The following HOGA1 variants were observed in gnomAD, a reference collection of about 807,000 sequenced individuals.
HOGA1 encodes the protein 4-hydroxy-2-oxoglutarate aldolase 1.
In HOGA1, 30 loss-of-function variants were observed where a neutral mutation model predicts 34.3. That is an observed-to-expected ratio of 0.87 (90% CI 0.65 to 1.19). HOGA1 has a LOEUF of 1.19. HOGA1 is among the 50% of genes most tolerant of loss of function. HOGA1 has a pLI of 0.00. For missense variants in HOGA1, 417 were observed against 436.5 expected (o/e 0.96, Z 0.40); for synonymous variants, 161 against 174.0 (o/e 0.93, Z 0.59).
chr10:97,588,115 T>G (rs1194591743), intron 1 of HOGA1, among the ~76,000 whole-genome samples: 2 of 151,952 alleles, frequency 1.3e-5, no homozygotes, highest in East Asian at 3.9e-4. Context: ...CCCGGCCCCG[T>G]GTAGCTCTTT....
At chr10:97,589,625 T>C (rs1589902048) in intron 1 of HOGA1, 1 of 295,938 alleles carries the variant, frequency 3.4e-6, no homozygotes, top group Non-Finnish European at 6.5e-6. Flanking sequence ...CACCCCACTC[T>C]CCCCACCCCA....
intron 1 of HOGA1, among the ~76,000 whole-genome samples, chr10:97,598,558 G>T (rs2041088687): frequency 6.6e-6 from 1 of 152,208 alleles, no homozygotes; most frequent in Non-Finnish European, 1.5e-5. Flanking sequence ...AGCAAGCTAT[G>T]GTTGAGCCAC....
At chr10:97,606,293 C>T (rs142006895) in intron 6 of HOGA1, among the ~76,000 whole-genome samples, 156 of 150,848 alleles carry the variant, frequency 1.0e-3, no homozygotes, top group African/African-American at 3.6e-3. Flanking sequence ...AGTGAGACTC[C>T]ATCTCAGGGA....
chr10:97,592,278 T>C (rs537420117), intron 1 of HOGA1, among the ~76,000 whole-genome samples: 28 of 147,566 alleles, frequency 1.9e-4, no homozygotes, highest in South Asian at 2.2e-4. Flanking sequence ...TCTTGCTCTG[T>C]GGCCCAGGCT....
At chr10:97,609,783 C>G (rs2041182262) in intron 6 of HOGA1, among the ~76,000 whole-genome samples, 1 of 152,174 alleles carries the variant, frequency 6.6e-6, no homozygotes, top group Non-Finnish European at 1.5e-5. Context: ...ATCCTGTATC[C>G]TGGGTCTTTC....
Position 97,590,643 on chromosome 10 carries a change from A to G in HOGA1, c.211+5729A>G, listed in dbSNP as rs1029847744. On this transcript the variant is annotated intron_variant, in intron 1 of 6. Coordinates refer to ENST00000370646, the MANE Select transcript of HOGA1 (RefSeq NM_138413.4). ...CCCCCAGCAAGGCTGGCTCACACAC[A>G]CGTCTGTTTTCTCTCCTATGGGGCC... 14 of 1,464,292 alleles carry G rather than the reference A, an allele frequency of 9.6e-6. No homozygotes were observed. In the African/African-American group the frequency reaches 1.7e-4, roughly 17 times the overall value. 90.7% of individuals were successfully genotyped at this position (1,464,292 alleles called of 1,614,324 possible). A position where few individuals can be genotyped will look rare whatever the true frequency, so the allele number is the denominator to read the frequency against.
At chr10:97,608,624 G>A (rs1330571381) in intron 6 of HOGA1, among the ~76,000 whole-genome samples, 3 of 152,130 alleles carry the variant, frequency 2.0e-5, no homozygotes, top group Non-Finnish European at 4.4e-5. Context: ...GGCCAACATG[G>A]TGAAACCCTC....
chr10:97,584,483 T>A lies in HOGA1; in HGVS notation c.-221T>A, dbSNP rs1251429343. 1 of 533,702 alleles carries A rather than the reference T, an allele frequency of 1.9e-6. No homozygotes were observed. Among genetic ancestry groups the A allele is most frequent in the African/African-American group, 1.9e-5 (1 of 52,940 alleles). The allele number at this position is 533,702 out of a possible 1,614,324, so 33.1% of individuals were successfully genotyped here. On this transcript the variant is annotated 5_prime_UTR_variant, in exon 1 of 7. Coordinates refer to ENST00000370646, the MANE Select transcript of HOGA1 (RefSeq NM_138413.4). ...GCCAGAGGGACACTGGGTTGTGGCATCTCTCTAGCTGCTACCCAGAAGGAA... is the reference window on the plus strand; with the variant it reads ...GCCAGAGGGACACTGGGTTGTGGCAACTCTCTAGCTGCTACCCAGAAGGAA...
At chr10:97,599,494 A>G (rs763171417) in intron 3 of HOGA1, 186 bp from the exon 4 acceptor site, 11 of 817,772 alleles carry the variant, frequency 1.3e-5, no homozygotes, top group Admixed American at 1.1e-4. Flanking sequence ...TGCGTGGCAT[A>G]TGGAAAGCAC....
intron 6 of HOGA1, among the ~76,000 whole-genome samples, chr10:97,604,724 G>C (rs576666323): frequency 6.6e-6 from 1 of 151,742 alleles, no homozygotes; most frequent in African/African-American, 2.4e-5. Context: ...GCTCACACCT[G>C]TAATCCCAGC....
chr10:97,598,909 C>G lies in HOGA1; in HGVS notation c.340+6C>G, dbSNP rs1213183290. The G allele has an allele frequency of 6.2e-7, 1 of 1,613,688 alleles. No individual in the cohort carries two copies. The highest frequency in any genetic ancestry group is 8.5e-7 in the Non-Finnish European group (1 of 1,180,018). On this transcript the variant is annotated splice_donor_region_variant and intron_variant, in intron 2 of 6. Coordinates refer to ENST00000370646, the MANE Select transcript of HOGA1 (RefSeq NM_138413.4). Reference sequence around the variant, plus strand: ...AGCTGGCTCCGGATGCGAGTGTGAGCCAGAATGCCCTGGGCCCTGGGGGTG... The same window carrying G: ...AGCTGGCTCCGGATGCGAGTGTGAGGCAGAATGCCCTGGGCCCTGGGGGTG...
At chr10:97,599,941 C>A in intron 4 of HOGA1, 126 bp from the exon 5 acceptor site, 1 of 1,519,882 alleles carries the variant, frequency 6.6e-7, no homozygotes. Flanking sequence ...CTCTGTCGTG[C>A]GGGCTCTCTG....
At chr10:97,590,716 T>C (rs1293119954) in intron 1 of HOGA1, 2 of 732,712 alleles carry the variant, frequency 2.7e-6, no homozygotes, top group African/African-American at 1.8e-5. Flanking sequence ...CCTACTTTCT[T>C]AGGCTCCTCA....
intron 4 of HOGA1, 118 bp downstream of exon 4, chr10:97,599,932 T>C: frequency 6.5e-7 from 1 of 1,545,688 alleles, no homozygotes; most frequent in Non-Finnish European, 8.9e-7. Flanking sequence ...GTGGATTCTC[T>C]CTGTCGTGCG....
At chr10:97,600,636 A>G (rs1027296275) in intron 5 of HOGA1, 4 of 210,682 alleles carry the variant, frequency 1.9e-5, no homozygotes, top group African/African-American at 9.2e-5. Context: ...CAGGATCCCT[A>G]GGAATGTCAC....
At chr10:97,587,761 C>G (rs974985897) in intron 1 of HOGA1, among the ~76,000 whole-genome samples, 1 of 152,148 alleles carries the variant, frequency 6.6e-6, no homozygotes, top group African/African-American at 2.4e-5. Context: ...CGGCCTCGGC[C>G]TCCCAAAGTG....
chr10:97,593,167 G>T (rs953280946), intron 1 of HOGA1, among the ~76,000 whole-genome samples: 66 of 151,938 alleles, frequency 4.3e-4, no homozygotes, highest in Non-Finnish European at 6.3e-4. Context: ...TCCAGATCAA[G>T]TCTTAATTCC....
intron 5 of HOGA1, chr10:97,600,714 G>A (rs2041109327): frequency 5.9e-6 from 1 of 170,442 alleles, no homozygotes; most frequent in South Asian, 1.5e-4. Context: ...GAGCCCTGGA[G>A]GGAAGGGAGA....
In HOGA1 at chr10:97,611,107, C is replaced by T. The variant is rs573906769; in HGVS notation, c.835-403C>T. 1.1e-4 allele frequency among the ~76,000 whole-genome samples: 16 copies of T among 152,282 alleles called. No homozygotes were observed. In the South Asian group the frequency reaches 1.9e-3, roughly 18 times the overall value. ...CCTGAGACTCTCACAGATCCTTCCC[C>T]TTCCTGACTTCCCAGGTCTGGTGTG... On this transcript the variant is annotated intron_variant, in intron 6 of 6. Coordinates refer to ENST00000370646, the MANE Select transcript of HOGA1 (RefSeq NM_138413.4).
Sources: gnomAD v4.1 joint callset for allele counts (sites outside exome capture counted in the v4.1 genomes callset) on GRCh38, gnomAD v4.1.1 for gene constraint, MANE v1.5 for transcripts, NCBI Gene and HGNC (gene_info 2026-07-23, HGNC 2026-07-21) for gene names.